The following IPO11 variants were observed in gnomAD, a reference collection of about 807,000 sequenced individuals.
IPO11 encodes the protein importin-11.
IPO11 carries 66 observed loss-of-function variants against 143.2 expected under a neutral mutation model. The ratio of observed to expected loss-of-function variants is 0.46; its 90% confidence interval spans 0.38 to 0.57. The LOEUF (loss-of-function observed/expected upper bound fraction) is 0.57. Among genes scored for constraint, IPO11 ranks in the 20% least tolerant of loss-of-function variants. The pLI, the probability that IPO11 is intolerant of heterozygous loss-of-function variation, is 0.00. For synonymous variants in IPO11, 385 were observed against 377.8 expected, an observed-to-expected ratio of 1.02 and a Z score of -0.22; for missense variants, 1,026 against 1,141.0, an observed-to-expected ratio of 0.90 and a Z score of 1.45.
chr5:62,589,438 G>T (rs912524520), intron 27 of IPO11, among the ~76,000 whole-genome samples: 7 of 152,096 alleles, frequency 4.6e-5, no homozygotes, highest in East Asian at 1.9e-4. Flanking sequence ...ACCTAGTCAA[G>T]TCACCCACCC....
chr5:62,508,673 A>G (rs1279081141), intron 19 of IPO11, among the ~76,000 whole-genome samples: 2 of 147,902 alleles, frequency 1.4e-5, no homozygotes, highest in Non-Finnish European at 1.5e-5. Flanking sequence ...GTAGGTATAC[A>G]TGTGCCATGT....
At chr5:62,622,437 G>C (rs1746411469) in intron 29 of IPO11, among the ~76,000 whole-genome samples, 1 of 152,160 alleles carries the variant, frequency 6.6e-6, no homozygotes, top group African/African-American at 2.4e-5. Flanking sequence ...AATTATATAT[G>C]TGAATGGCCT....
At position 62,485,689 on chromosome 5, in the gene IPO11, A is replaced by G. The variant is rs550962804; in HGVS notation, c.1218+227A>G. Among the ~76,000 whole-genome samples, 14 of 152,048 alleles carry G rather than the reference A, an allele frequency of 9.2e-5. No homozygotes were observed. In the East Asian group the frequency reaches 2.7e-3, roughly 29 times the overall value. On this transcript the variant is annotated intron_variant, in intron 12 of 29. Coordinates refer to ENST00000325324, the MANE Select transcript of IPO11 (RefSeq NM_016338.5). The stretch of plus-strand genomic sequence containing the variant: ...CCCTGTCTCTGCAAAAAGTAAAAAA[A>G]GGAAAAAAAAATTAGACCAGAGTGG...
chr5:62,573,670 C>A (rs1246410886), intron 27 of IPO11, among the ~76,000 whole-genome samples: 3 of 152,204 alleles, frequency 2.0e-5, no homozygotes, highest in Non-Finnish European at 4.4e-5. Context: ...CAAAGGCCAG[C>A]TGTGAAAAGG....
chr5:62,417,518 T>G (rs1318082289), intron 1 of IPO11, among the ~76,000 whole-genome samples: 1 of 152,144 alleles, frequency 6.6e-6, no homozygotes, highest in African/African-American at 2.4e-5. Context: ...CATATTTTCC[T>G]TATTTCCTTC....
intron 5 of IPO11, among the ~76,000 whole-genome samples, chr5:62,454,752 G>A (rs967705559): frequency 1.3e-5 from 2 of 152,162 alleles, no homozygotes; most frequent in Admixed American, 6.5e-5. Flanking sequence ...TCACTACAGT[G>A]TAGCTTTTAT....
chr5:62,491,326 T>C (rs112569694), intron 15 of IPO11, among the ~76,000 whole-genome samples: 178 of 152,348 alleles, frequency 1.2e-3, no homozygotes, highest in African/African-American at 4.1e-3. Flanking sequence ...CACTTGGAAT[T>C]TGCCATGTCC....
intron 28 of IPO11, among the ~76,000 whole-genome samples, chr5:62,593,757 C>T (rs1745116890): frequency 6.6e-6 from 1 of 152,108 alleles, no homozygotes; most frequent in African/African-American, 2.4e-5. Context: ...TCTTTTTATT[C>T]TGGGGTGGTA....
chr5:62,529,317 A>G (rs892622461), intron 21 of IPO11, among the ~76,000 whole-genome samples: 1 of 152,162 alleles, frequency 6.6e-6, no homozygotes, highest in African/African-American at 2.4e-5. Context: ...TCATTTAAAA[A>G]AACAAATTTG....
intron 27 of IPO11, among the ~76,000 whole-genome samples, chr5:62,563,543 G>A (rs1361403916): frequency 2.0e-5 from 3 of 152,114 alleles, no homozygotes; most frequent in Admixed American, 6.5e-5. Flanking sequence ...TATAGGTTGA[G>A]TATCCTTTAT....
At chr5:62,538,668 C>T (rs79791363) in intron 24 of IPO11, among the ~76,000 whole-genome samples, 1 of 152,202 alleles carries the variant, frequency 6.6e-6, no homozygotes, top group Non-Finnish European at 1.5e-5. Context: ...TTATAAATTA[C>T]CCAGTCTCAG....
intron 3 of IPO11, among the ~76,000 whole-genome samples, chr5:62,444,714 C>G (rs1240094797): frequency 6.6e-6 from 1 of 151,844 alleles, no homozygotes; most frequent in Non-Finnish European, 1.5e-5. Flanking sequence ...TCTAAAAATA[C>G]AAAAATTAGC....
chr5:62,559,916 CAA>C (rs759468696), intron 26 of IPO11, among the ~76,000 whole-genome samples: 116 of 17,028 alleles, frequency 6.8e-3, no homozygotes, highest in Non-Finnish European at 5.3e-3. Context: ...AACTCTGTCT[CAA>C]AAAAAAAAAA....
At chr5:62,416,338 AC>A (rs1208497741) in intron 1 of IPO11, among the ~76,000 whole-genome samples, 1 of 151,256 alleles carries the variant, frequency 6.6e-6, no homozygotes, top group Non-Finnish European at 1.5e-5. Context: ...GCTCACCACC[AC>A]GCCCGGCTAA....
chr5:62,489,010 A>T (rs1481414647), intron 13 of IPO11, among the ~76,000 whole-genome samples: 2 of 152,204 alleles, frequency 1.3e-5, no homozygotes, highest in African/African-American at 4.8e-5. Flanking sequence ...CTTGTCTCAA[A>T]AAAAATAATT....
intron 5 of IPO11, among the ~76,000 whole-genome samples, chr5:62,461,924 C>A (rs1745373309): frequency 6.6e-6 from 1 of 152,116 alleles, no homozygotes; most frequent in South Asian, 2.1e-4. Flanking sequence ...TTCCCTTGAG[C>A]ATCGTGCTGG....
chr5:62,498,818 C>T (rs1034813481), intron 16 of IPO11, among the ~76,000 whole-genome samples: 3 of 151,920 alleles, frequency 2.0e-5, no homozygotes, highest in South Asian at 2.1e-4. Context: ...TGCAGTGAGC[C>T]GAGATCAAAC....
At chr5:62,572,970 GA>G (rs550090047) in intron 27 of IPO11, among the ~76,000 whole-genome samples, 500 of 152,156 alleles carry the variant, frequency 3.3e-3, no homozygotes, top group Non-Finnish European at 5.5e-3. Flanking sequence ...CGTTTGTTAC[GA>G]AAAACCTCCT....
At chr5:62,451,706 A>G in intron 4 of IPO11, 24 bp from the exon 5 acceptor site, 5 of 1,593,628 alleles carry the variant, frequency 3.1e-6, no homozygotes, top group Non-Finnish European at 4.3e-6. Context: ...CCTTGATTCC[A>G]TTTGTTTAAT....
Sources: gnomAD v4.1 joint callset for allele counts (sites outside exome capture counted in the v4.1 genomes callset) on GRCh38, gnomAD v4.1.1 for gene constraint, MANE v1.5 for transcripts, NCBI Gene and HGNC (gene_info 2026-07-23, HGNC 2026-07-21) for gene names.